The following TMEM114 variants were observed in gnomAD, a reference collection of about 807,000 sequenced individuals.
TMEM114 encodes the protein claudin-26.
Under a neutral mutation model 6.2 loss-of-function variants are expected in TMEM114, and 6 were observed. The observed-to-expected ratio is 0.97, with a 90% CI of 0.53 to 1.91. The LOEUF is 1.91. Ranked by LOEUF, TMEM114 falls within the 40% of genes most tolerant of loss-of-function variation. The pLI is 0.01. For missense variants in TMEM114, 218 were observed against 158.3 expected (o/e 1.38, Z -2.02); for synonymous variants, 104 against 73.0 (o/e 1.42, Z -2.16).
intron 2 of TMEM114, among the ~76,000 whole-genome samples, chr16:8,557,426 C>T (rs1320656821): frequency 2.6e-5 from 4 of 152,162 alleles, no homozygotes; most frequent in Admixed American, 6.5e-5. Flanking sequence ...GCTCAGCCTG[C>T]CCCTAGCTGC....
intron 2 of TMEM114, among the ~76,000 whole-genome samples, chr16:8,584,119 G>A (rs2141700027): frequency 6.6e-6 from 1 of 152,324 alleles, no homozygotes; most frequent in South Asian, 2.1e-4. Flanking sequence ...GGATTTAGCT[G>A]AAAGCAGAAC....
In TMEM114 at chr16:8,569,569, C is replaced by A. The variant is rs562886837; in HGVS notation, c.*204G>T. On this transcript the variant is annotated 3_prime_UTR_variant, in exon 4 of 4. Coordinates refer to ENST00000620492, the MANE Select transcript of TMEM114 (RefSeq NM_001146336.2). ...CTCCCTCGGGCTCCTCCAGGCCACA[C>A]GGACACACACGGACATAAGCACACA... 2 of 1,419,826 alleles carry A rather than the reference C, an allele frequency of 1.4e-6. No individual in the cohort carries two copies. Among genetic ancestry groups the A allele is most frequent in the East Asian group, 2.5e-5 (1 of 39,578 alleles). The allele number at this position is 1,419,826 out of a possible 1,614,324, so 88.0% of individuals were successfully genotyped here.
chr16:8,557,326 G>A (rs563864318), intron 2 of TMEM114, among the ~76,000 whole-genome samples: 1 of 152,130 alleles, frequency 6.6e-6, no homozygotes, highest in East Asian at 1.9e-4. Context: ...CCTCCCAAAA[G>A]CCCTGATACT....
At chr16:8,554,323 A>T (rs75812200) in intron 2 of TMEM114, among the ~76,000 whole-genome samples, 13,989 of 152,090 alleles carry the variant, frequency 0.092, 768 homozygotes, top group Middle Eastern at 0.19. Context: ...TGGGAGGCCA[A>T]GGCAGGAGCA....
downstream of TMEM114, among the ~76,000 whole-genome samples, chr16:8,535,710 T>C (rs1900336586): frequency 6.6e-6 from 1 of 152,136 alleles, no homozygotes; most frequent in Admixed American, 6.5e-5. Context: ...CACCTGCAAA[T>C]TTTGGTTCCT....
chr16:8,556,115 G>A (rs1901002027), intron 2 of TMEM114, among the ~76,000 whole-genome samples: 1 of 152,116 alleles, frequency 6.6e-6, no homozygotes, highest in Non-Finnish European at 1.5e-5. Flanking sequence ...TCTTCTTCCT[G>A]CATCCATCAC....
chr16:8,542,707 G>T (rs1479918875), intron 2 of TMEM114, among the ~76,000 whole-genome samples: 4 of 152,100 alleles, frequency 2.6e-5, no homozygotes, highest in Non-Finnish European at 1.5e-5. Context: ...TACACTAAAT[G>T]AGCCTTGGAA....
downstream of TMEM114, among the ~76,000 whole-genome samples, chr16:8,565,536 T>C (rs180917007): frequency 3.3e-5 from 5 of 152,170 alleles, no homozygotes; most frequent in East Asian, 9.7e-4. Context: ...CCTCCTCCTG[T>C]TTACCTTCTC....
chr16:8,527,663 G>A, the TMEM114 span, among the ~76,000 whole-genome samples: 1 of 152,090 alleles, frequency 6.6e-6, no homozygotes, highest in African/African-American at 2.4e-5. Flanking sequence ...GGACCATTGA[G>A]GGTGGTAGTT....
downstream of TMEM114, among the ~76,000 whole-genome samples, chr16:8,537,364 G>A (rs902171940): frequency 6.6e-6 from 1 of 152,092 alleles, no homozygotes; most frequent in African/African-American, 2.4e-5. Context: ...AGCCAAGCGC[G>A]ATGGCACACG....
chr16:8,562,160 G>A (rs542824989), intron 2 of TMEM114, among the ~76,000 whole-genome samples: 61 of 150,672 alleles, frequency 4.0e-4, no homozygotes, highest in African/African-American at 1.3e-3. Context: ...GAATAAGTGA[G>A]TTAGTGAATG....
chr16:8,534,127 A>T (rs920458289), downstream of TMEM114, among the ~76,000 whole-genome samples: 1 of 152,190 alleles, frequency 6.6e-6, no homozygotes, highest in Non-Finnish European at 1.5e-5. Flanking sequence ...TGAAATATTT[A>T]TTGTGCATAT....
intron 2 of TMEM114, among the ~76,000 whole-genome samples, chr16:8,542,070 A>G (rs1317211803): frequency 1.3e-5 from 2 of 152,178 alleles, no homozygotes; most frequent in Non-Finnish European, 2.9e-5. Context: ...ATGCAGCAGA[A>G]GCATACCATT....
At chr16:8,578,631 A>G (rs1468630078) in intron 2 of TMEM114, among the ~76,000 whole-genome samples, 1 of 152,182 alleles carries the variant, frequency 6.6e-6, no homozygotes, top group Non-Finnish European at 1.5e-5. Flanking sequence ...TGGATGGCAT[A>G]CAGTAGGAAC....
chr16:8,566,897 G>GTTTTTT (rs71150402), downstream of TMEM114, among the ~76,000 whole-genome samples: 2 of 98,314 alleles, frequency 2.0e-5, no homozygotes, highest in East Asian at 3.0e-4. Flanking sequence ...CATCACCCTG[G>GTTTTTT]TTTTTTTTTT....
In TMEM114 at chr16:8,586,095, G is replaced by A. The variant is rs550717611; in HGVS notation, c.301+3118C>T. On this transcript the variant is annotated intron_variant, in intron 2 of 3. Coordinates refer to ENST00000620492, the MANE Select transcript of TMEM114 (RefSeq NM_001146336.2). ...AGCCATCCAATTGACCCATGGATGT[G>A]ATAAGTCAGCTGAATGTGCACACCC... Among the ~76,000 whole-genome samples, 3 of 152,206 alleles carry A rather than the reference G, an allele frequency of 2.0e-5. No homozygotes were observed. The South Asian group carries it at 6.2e-4, about 32-fold the overall frequency.
At chr16:8,569,351 CAG>C (rs574685088), downstream of TMEM114, 50 of 636,748 alleles carry the variant, frequency 7.9e-5, no homozygotes, top group Non-Finnish European at 9.5e-5. Context: ...CAGAGCTCCC[CAG>C]AGAGAGCTGA....
At chr16:8,530,889 G>C in the TMEM114 span, among the ~76,000 whole-genome samples, 1 of 151,976 alleles carries the variant, frequency 6.6e-6, no homozygotes, top group Non-Finnish European at 1.5e-5. Context: ...GCAGGGTGTG[G>C]TGGCATACGC....
chr16:8,563,177 GTGAGTGAATGAGTGAATGAA>G (rs1901342049), intron 2 of TMEM114, among the ~76,000 whole-genome samples: 2 of 149,710 alleles, frequency 1.3e-5, no homozygotes, highest in Admixed American at 1.3e-4. Flanking sequence ...GAGTAAATGA[GTGAGTGAATGAGTGAATGAA>G]TGAGTGAATG....
Sources: gnomAD v4.1 joint callset for allele counts (sites outside exome capture counted in the v4.1 genomes callset) on GRCh38, gnomAD v4.1.1 for gene constraint, MANE v1.5 for transcripts, NCBI Gene and HGNC (gene_info 2026-07-23, HGNC 2026-07-21) for gene names.